The following TTC39C variants were observed in gnomAD, a reference collection of about 807,000 sequenced individuals.
TTC39C encodes tetratricopeptide repeat domain 39C, also known as tetratricopeptide repeat protein 39C.
In TTC39C, 33 loss-of-function variants were observed where a neutral mutation model predicts 76.3. That is an observed-to-expected ratio of 0.43 (90% CI 0.33 to 0.58). The LOEUF (loss-of-function observed/expected upper bound fraction) is 0.58, where lower values mean the gene tolerates loss of function less well. Ranked by LOEUF, TTC39C falls within the 20% of genes least tolerant of loss-of-function variation. The pLI, the probability that TTC39C is intolerant of heterozygous loss-of-function variation, is 0.04. For synonymous variants in TTC39C, 254 were observed against 260.6 expected (o/e 0.97, Z 0.24); for missense variants, 595 against 701.4 (o/e 0.85, Z 1.71).
chr18:24,098,506 CT>C (rs2084624844), intron 6 of TTC39C, among the ~76,000 whole-genome samples: 3 of 94,244 alleles, frequency 3.2e-5, no homozygotes, highest in Non-Finnish European at 6.2e-5. Context: ...CTATCCTCTC[CT>C]CTCCCCTCCC....
intron 1 of TTC39C, among the ~76,000 whole-genome samples, chr18:24,005,376 G>T (rs117229741): frequency 0.01 from 1,539 of 151,946 alleles, 14 homozygotes; most frequent in Middle Eastern, 0.017. Flanking sequence ...TCAAAGATAA[G>T]ATTTTTTTTC....
At chr18:24,121,577 CA>C (rs1042797295) in intron 8 of TTC39C, among the ~76,000 whole-genome samples, 16 of 145,884 alleles carry the variant, frequency 1.1e-4, no homozygotes, top group South Asian at 2.2e-4. Flanking sequence ...AAAACTCTGT[CA>C]AAAAAAAAAA....
chr18:24,078,507 G>A (rs1230474054), intron 4 of TTC39C, among the ~76,000 whole-genome samples: 1 of 152,114 alleles, frequency 6.6e-6, no homozygotes, highest in African/African-American at 2.4e-5. Context: ...TTTGTAGTTC[G>A]TTTGTGTTCC....
chr18:24,121,549 G>A (rs751998937), intron 8 of TTC39C, among the ~76,000 whole-genome samples: 2 of 151,952 alleles, frequency 1.3e-5, no homozygotes, highest in East Asian at 1.9e-4. Context: ...ATTGCACTCC[G>A]GCCTGGGCAA....
At chr18:24,060,765 G>A (rs1389162433) in intron 1 of TTC39C, among the ~76,000 whole-genome samples, 2 of 152,110 alleles carry the variant, frequency 1.3e-5, no homozygotes, top group Non-Finnish European at 2.9e-5. Context: ...GCTTTCTCAC[G>A]TACTATGACC....
intron 4 of TTC39C, among the ~76,000 whole-genome samples, chr18:24,079,170 G>A (rs192844599): frequency 1.3e-5 from 2 of 152,234 alleles, no homozygotes; most frequent in Admixed American, 6.5e-5. Context: ...ATTGCCAAGT[G>A]GATAAGCTCT....
intron 1 of TTC39C, among the ~76,000 whole-genome samples, chr18:24,041,896 C>T (rs1313122994): frequency 2.4e-4 from 37 of 152,078 alleles, no homozygotes; most frequent in Admixed American, 2.4e-3. Context: ...TTCAGCCCGG[C>T]GTGATTACAT....
intron 1 of TTC39C, among the ~76,000 whole-genome samples, chr18:24,053,466 G>A (rs535164433): frequency 6.6e-6 from 1 of 152,250 alleles, no homozygotes; most frequent in Admixed American, 6.5e-5. Context: ...CTGTGGCACT[G>A]GCTGAACAGA....
At chr18:24,070,564 G>T (rs1036191555) in intron 4 of TTC39C, among the ~76,000 whole-genome samples, 35 of 152,132 alleles carry the variant, frequency 2.3e-4, no homozygotes, top group Admixed American at 1.5e-3. Context: ...AAAATATCTG[G>T]CCAGGTGCCT....
At chr18:24,011,851 G>A (rs138543387), upstream of TTC39C, among the ~76,000 whole-genome samples, 34 of 151,980 alleles carry the variant, frequency 2.2e-4, 1 homozygote, top group East Asian at 5.4e-3. Flanking sequence ...GGAAACACTC[G>A]GATAAATCCT....
In TTC39C at chr18:24,014,755, C is replaced by T. The variant is rs2083427963; in HGVS notation, c.-117C>T. The T allele has an allele frequency of 3.5e-6, 4 of 1,155,890 alleles. No individual in the cohort carries two copies. The highest frequency in any genetic ancestry group is 4.3e-6 in the Non-Finnish European group (4 of 938,320). 71.6% of individuals were successfully genotyped at this position (1,155,890 alleles called of 1,614,324 possible). A position where few individuals can be genotyped will look rare whatever the true frequency, so the allele number is the denominator to read the frequency against. The stretch of plus-strand genomic sequence containing the variant: ...CCCTCCCGTCTTCTCCCCTCCCCTC[C>T]CCTCCCCTCCCGGCTCCGCTTGGCT... On this transcript the variant is annotated 5_prime_UTR_variant, in exon 1 of 14. Transcript: ENST00000317571.
intron 1 of TTC39C, among the ~76,000 whole-genome samples, chr18:24,032,752 G>C (rs2083685999): frequency 6.6e-6 from 1 of 152,208 alleles, no homozygotes; most frequent in Non-Finnish European, 1.5e-5. Flanking sequence ...TGTGGGTTAG[G>C]CTGCCCAACC....
At chr18:24,045,892 A>T (rs1186771829) in intron 1 of TTC39C, among the ~76,000 whole-genome samples, 2 of 61,220 alleles carry the variant, frequency 3.3e-5, no homozygotes, top group African/African-American at 8.9e-5. Flanking sequence ...CTTCTGTGAA[A>T]ATATATATAT....
chr18:24,036,654 A>G (rs2145684095), intron 1 of TTC39C, among the ~76,000 whole-genome samples: 1 of 152,290 alleles, frequency 6.6e-6, no homozygotes. Context: ...TTCTTGAGAC[A>G]GGATCTCACT....
chr18:24,004,558 C>T (rs558793871), intron 1 of TTC39C, among the ~76,000 whole-genome samples: 1 of 152,196 alleles, frequency 6.6e-6, no homozygotes, highest in East Asian at 1.9e-4. Flanking sequence ...ACCTGGTTAC[C>T]CTTGTGTGGT....
chr18:24,096,869 C>T (rs1362845531), intron 6 of TTC39C, among the ~76,000 whole-genome samples: 6 of 152,150 alleles, frequency 3.9e-5, no homozygotes, highest in Non-Finnish European at 7.4e-5. Context: ...CTTTTGTAAG[C>T]GATGATACCA....
intron 6 of TTC39C, chr18:24,113,805 C>G (rs1008825900): frequency 3.0e-6 from 2 of 656,214 alleles, no homozygotes; most frequent in Non-Finnish European, 5.5e-6. Context: ...GGCGGGAAAA[C>G]GAAATGTATT....
chr18:24,014,960 C>T lies in TTC39C; in HGVS notation c.89C>T (p.Ala30Val). 3 of 1,530,094 alleles carry T rather than the reference C, an allele frequency of 2.0e-6. No individual in the cohort carries two copies. Among genetic ancestry groups the T allele is most frequent in the South Asian group, 2.4e-5 (2 of 81,680 alleles). The allele number at this position is 1,530,094 out of a possible 1,614,324, so 94.8% of individuals were successfully genotyped here. The stretch of plus-strand genomic sequence containing the variant: ...GCGGCGGCGGCGCCCCTGCAGGACG[C>T]GGAGCTGGCCCTGGCCGGCATCAAC... ...AAAAAAPLQD[A>V]ELALAGINML... Residue 30 changes from alanine to valine, a missense_variant, in exon 1 of 14, where the codon GCG becomes GTG. Physicochemically the swap from Ala to Val is moderately conservative, Grantham distance 64 (BLOSUM62 0). Coordinates refer to ENST00000317571, the MANE Select transcript of TTC39C (RefSeq NM_001135993.2).
chr18:24,066,493 A>G (rs1351717261), intron 3 of TTC39C, among the ~76,000 whole-genome samples: 1 of 152,184 alleles, frequency 6.6e-6, no homozygotes, highest in Admixed American at 6.5e-5. Context: ...TAATTCTGGA[A>G]TTCAGCTGTT....
Sources: gnomAD v4.1 joint callset for allele counts (sites outside exome capture counted in the v4.1 genomes callset) on GRCh38, gnomAD v4.1.1 for gene constraint, MANE v1.5 for transcripts, NCBI Gene and HGNC (gene_info 2026-07-23, HGNC 2026-07-21) for gene names.